The following ZBTB20 variants were observed in gnomAD, a reference collection of about 807,000 sequenced individuals.
ZBTB20 encodes zinc finger and BTB domain-containing protein 20.
In ZBTB20, 9 loss-of-function variants were observed where a neutral mutation model predicts 56.9. That is an observed-to-expected ratio of 0.16 (90% CI 0.10 to 0.28). The LOEUF (loss-of-function observed/expected upper bound fraction) is 0.28. Ranked by LOEUF, ZBTB20 falls within the 10% of genes least tolerant of loss-of-function variation. The pLI is 1.00. For missense variants in ZBTB20, 655 were observed against 1,003.0 expected (o/e 0.65, Z 4.69); for synonymous variants, 417 against 420.7 (o/e 0.99, Z 0.11).
chr3:114,347,193 T>G (rs550005308), intron 11 of ZBTB20, among the ~76,000 whole-genome samples: 3 of 149,878 alleles, frequency 2.0e-5, no homozygotes, highest in Admixed American at 6.7e-5. Context: ...TCTGGGACTA[T>G]TGGTGTGTAC....
chr3:114,504,367 G>A (rs2044354372), intron 6 of ZBTB20, among the ~76,000 whole-genome samples: 1 of 152,106 alleles, frequency 6.6e-6, no homozygotes, highest in South Asian at 2.1e-4. Context: ...TTGGATATGA[G>A]TATACCCAGG....
chr3:114,758,839 TCTTTC>T (rs1404080794), intron 5 of ZBTB20: 1 of 152,196 alleles, frequency 6.6e-6, no homozygotes, highest in Non-Finnish European at 1.5e-5. Flanking sequence ...TTTTCCCTTA[TCTTTC>T]CTTTGCTTTC....
At chr3:114,784,471 A>ATCAGTTC (rs2070345706) in intron 5 of ZBTB20, among the ~76,000 whole-genome samples, 1 of 152,234 alleles carries the variant, frequency 6.6e-6, no homozygotes, top group Non-Finnish European at 1.5e-5. Context: ...CCCAATCATA[A>ATCAGTTC]AAGAATTGTA....
At chr3:114,874,228 C>T (rs1293777750) in intron 4 of ZBTB20, 1 of 152,170 alleles carries the variant, frequency 6.6e-6, no homozygotes, top group Admixed American at 6.5e-5. Context: ...ATCTCATGGA[C>T]TGAAAACATT....
chr3:114,393,918 A>G (rs2086110306), intron 7 of ZBTB20, among the ~76,000 whole-genome samples: 1 of 152,160 alleles, frequency 6.6e-6, no homozygotes, highest in South Asian at 2.1e-4. Flanking sequence ...TCTGTCTTGG[A>G]AGCCCTTAGA....
At chr3:114,567,070 C>T (rs944588133) in intron 6 of ZBTB20, among the ~76,000 whole-genome samples, 3 of 152,086 alleles carry the variant, frequency 2.0e-5, no homozygotes, top group African/African-American at 7.2e-5. Context: ...TGTGTGATGG[C>T]TGCACAGGGG....
At chr3:114,996,936 C>A (rs1422641179) in intron 2 of ZBTB20, among the ~76,000 whole-genome samples, 1 of 151,880 alleles carries the variant, frequency 6.6e-6, no homozygotes, top group Admixed American at 6.6e-5. Context: ...CAGTAAGATA[C>A]CATCTCATGC....
chr3:114,417,777 T>C (rs2088724508), intron 7 of ZBTB20, among the ~76,000 whole-genome samples: 1 of 152,064 alleles, frequency 6.6e-6, no homozygotes, highest in African/African-American at 2.4e-5. Flanking sequence ...AACAAGTGTG[T>C]AATTGTGAGT....
At position 114,335,333 on chromosome 3, in the gene ZBTB20, C is replaced by T. The variant is rs2079414428; in HGVS notation, c.*3672G>A. ...ACTCATATCACCCTACCATGAAGGT[C>T]TAAATGTAAGATGACTGTAGGACTT... On this transcript the variant is annotated 3_prime_UTR_variant, in exon 12 of 12. Transcript: ENST00000675478. 1 of 152,046 alleles carries T rather than the reference C, an allele frequency of 6.6e-6. No individual in the cohort carries two copies. The highest frequency in any genetic ancestry group is 1.5e-5 in the Non-Finnish European group (1 of 68,006). The allele number at this position is 152,046 out of a possible 1,614,324, so 9.4% of individuals were successfully genotyped here.
chr3:114,453,064 C>A (rs975618195), intron 7 of ZBTB20, among the ~76,000 whole-genome samples: 1 of 152,148 alleles, frequency 6.6e-6, no homozygotes, highest in South Asian at 2.1e-4. Context: ...TTGTTTACTA[C>A]ATTTTACACA....
intron 2 of ZBTB20, among the ~76,000 whole-genome samples, chr3:114,998,197 GA>G (rs989861506): frequency 5.3e-5 from 8 of 151,614 alleles, no homozygotes; most frequent in African/African-American, 1.9e-4. Context: ...TGTACATTAT[GA>G]AAATGAGGAA....
chr3:114,957,253 AC>A (rs898788002), intron 3 of ZBTB20, among the ~76,000 whole-genome samples: 1 of 152,220 alleles, frequency 6.6e-6, no homozygotes, highest in African/African-American at 2.4e-5. Context: ...ACTGTAGGTC[AC>A]ACTGTCAGTG....
intron 2 of ZBTB20, among the ~76,000 whole-genome samples, chr3:115,032,075 G>A (rs2080708493): frequency 1.3e-5 from 2 of 151,510 alleles, no homozygotes; most frequent in African/African-American, 2.4e-5. Context: ...AAATTAGCCA[G>A]TGGTAAGGAC....
intron 1 of ZBTB20, among the ~76,000 whole-genome samples, chr3:115,125,698 TAAGAG>T (rs911659065): frequency 6.6e-6 from 1 of 152,190 alleles, no homozygotes; most frequent in African/African-American, 2.4e-5. Context: ...TGAAAATTGC[TAAGAG>T]AATAGATTTT....
intron 4 of ZBTB20, among the ~76,000 whole-genome samples, chr3:114,836,121 A>G (rs1173224659): frequency 6.6e-6 from 1 of 152,228 alleles, no homozygotes; most frequent in African/African-American, 2.4e-5. Context: ...GCAAGACATG[A>G]TTAGAAGCTA....
intron 6 of ZBTB20, among the ~76,000 whole-genome samples, chr3:114,681,860 C>G (rs1392882390): frequency 1.3e-5 from 2 of 152,090 alleles, no homozygotes; most frequent in African/African-American, 4.8e-5. Context: ...CAGCCTATAG[C>G]CCACAGAGTT....
At chr3:114,631,382 C>T (rs6764180) in intron 6 of ZBTB20, among the ~76,000 whole-genome samples, 217 of 49,750 alleles carry the variant, frequency 4.4e-3, no homozygotes, top group Non-Finnish European at 4.7e-3. Context: ...ATAGGTTATT[C>T]TTTTTTTTTT....
intron 7 of ZBTB20, among the ~76,000 whole-genome samples, chr3:114,412,623 G>A (rs1350866291): frequency 6.6e-6 from 1 of 152,062 alleles, no homozygotes; most frequent in African/African-American, 2.4e-5. Flanking sequence ...TAGCACAGAG[G>A]CAAGCAGTTT....
At chr3:114,426,607 C>T (rs2089696104) in intron 7 of ZBTB20, among the ~76,000 whole-genome samples, 1 of 152,032 alleles carries the variant, frequency 6.6e-6, no homozygotes, top group Non-Finnish European at 1.5e-5. Flanking sequence ...GCTGAGAATA[C>T]ACCCTCTCCA....
Sources: allele counts gnomAD v4.1 joint callset (sites outside exome capture counted in the v4.1 genomes callset), GRCh38; gene constraint gnomAD v4.1.1; transcripts MANE v1.5; gene names NCBI Gene and HGNC (gene_info 2026-07-23, HGNC 2026-07-21).